Variants in SESTD1 observed in about 807,000 individuals in gnomAD.
SESTD1 encodes the protein SEC14 domain and spectrin repeat-containing protein 1.
SESTD1 carries 43 observed loss-of-function variants against 101.7 expected under a neutral mutation model. The observed-to-expected ratio is 0.42, with a 90% CI of 0.33 to 0.55. The LOEUF (loss-of-function observed/expected upper bound fraction) is 0.55. SESTD1 is among the 20% of genes least tolerant of loss of function. SESTD1 has a pLI of 0.07. For missense variants in SESTD1, 647 were observed against 815.1 expected (o/e 0.79, Z 2.51); for synonymous variants, 283 against 286.8 (o/e 0.99, Z 0.13).
At chr2:179,205,238 A>C (rs1188212995) in intron 1 of SESTD1, among the ~76,000 whole-genome samples, 1 of 132,000 alleles carries the variant, frequency 7.6e-6, no homozygotes, top group Non-Finnish European at 1.6e-5. Flanking sequence ...ATTTGAATAA[A>C]AATGCACATC....
intron 1 of SESTD1, among the ~76,000 whole-genome samples, chr2:179,236,777 T>G (rs1384214201): frequency 6.6e-6 from 1 of 151,196 alleles, no homozygotes; most frequent in Non-Finnish European, 1.5e-5. Context: ...TAATTTTTAT[T>G]TGCTATCGTT....
intron 1 of SESTD1, among the ~76,000 whole-genome samples, chr2:179,222,207 T>G (rs1037201916): frequency 5.3e-5 from 8 of 152,020 alleles, no homozygotes; most frequent in Admixed American, 4.6e-4. Flanking sequence ...TTCCAAAGAG[T>G]TGTTCTCCCT....
At chr2:179,158,183 T>C (rs2105458660) in intron 5 of SESTD1, among the ~76,000 whole-genome samples, 1 of 152,326 alleles carries the variant, frequency 6.6e-6, no homozygotes, top group Non-Finnish European at 1.5e-5. Flanking sequence ...CCCCAATCTT[T>C]TGAAGAAGCC....
At chr2:179,115,037 G>A (rs1297382861) in intron 16 of SESTD1, 28 bp downstream of exon 16, 3 of 1,593,642 alleles carry the variant, frequency 1.9e-6, no homozygotes, top group African/African-American at 2.7e-5. Flanking sequence ...ATACCACTGA[G>A]AATAACATTT....
At chr2:179,261,224 T>C (rs1236511869) in intron 1 of SESTD1, among the ~76,000 whole-genome samples, 1 of 152,236 alleles carries the variant, frequency 6.6e-6, no homozygotes. Context: ...ATCTGATGAA[T>C]ATGTGGCAGT....
At chr2:179,168,124 T>A (rs1006261056) in intron 5 of SESTD1, among the ~76,000 whole-genome samples, 1 of 152,130 alleles carries the variant, frequency 6.6e-6, no homozygotes, top group African/African-American at 2.4e-5. Flanking sequence ...GGTCCACTTA[T>A]AAGGGAGTTT....
intron 5 of SESTD1, among the ~76,000 whole-genome samples, chr2:179,171,604 T>C (rs1160245657): frequency 5.9e-5 from 9 of 152,150 alleles, no homozygotes; most frequent in Non-Finnish European, 1.2e-4. Flanking sequence ...ACTGCTTAGA[T>C]TTACATTCCA....
At chr2:179,195,211 T>C (rs548131525) in intron 1 of SESTD1, among the ~76,000 whole-genome samples, 22 of 152,310 alleles carry the variant, frequency 1.4e-4, no homozygotes, top group Middle Eastern at 3.4e-3. Flanking sequence ...AGGAAGAGAA[T>C]TGTAATCTCC....
chr2:179,116,607 A>G, intron 15 of SESTD1, 61 bp downstream of exon 15: 1 of 1,612,708 alleles, frequency 6.2e-7, no homozygotes, highest in Non-Finnish European at 8.5e-7. Context: ...TTACATTATA[A>G]TCATGCAGAA....
intron 1 of SESTD1, among the ~76,000 whole-genome samples, chr2:179,197,612 C>T (rs954328740): frequency 2.6e-5 from 4 of 152,368 alleles, no homozygotes; most frequent in Admixed American, 2.0e-4. Flanking sequence ...GCAGATCTCT[C>T]TGCAGAAACT....
intron 9 of SESTD1, among the ~76,000 whole-genome samples, chr2:179,138,764 A>C (rs1233710718): frequency 6.6e-6 from 1 of 150,566 alleles, no homozygotes; most frequent in East Asian, 2.0e-4. Context: ...CCAGCTACTC[A>C]GGAGGCTGAG....
At chr2:179,197,734 A>C (rs2046425778) in intron 1 of SESTD1, among the ~76,000 whole-genome samples, 1 of 152,176 alleles carries the variant, frequency 6.6e-6, no homozygotes, top group Non-Finnish European at 1.5e-5. Context: ...AGGAGAAATA[A>C]AATCCTTTAC....
At chr2:179,219,977 AAAAG>A (rs1224577317) in intron 1 of SESTD1, among the ~76,000 whole-genome samples, 5 of 152,226 alleles carry the variant, frequency 3.3e-5, no homozygotes, top group Non-Finnish European at 4.4e-5. Context: ...GGAGAAAAGG[AAAAG>A]AAAGCCTCTG....
At chr2:179,138,477 A>C (rs985430954) in intron 9 of SESTD1, among the ~76,000 whole-genome samples, 2 of 152,154 alleles carry the variant, frequency 1.3e-5, no homozygotes, top group Non-Finnish European at 2.9e-5. Flanking sequence ...TTGTGATGTG[A>C]AAGTTGTCCG....
chr2:179,250,498 A>G (rs1427069175), intron 1 of SESTD1, among the ~76,000 whole-genome samples: 9 of 152,204 alleles, frequency 5.9e-5, no homozygotes, highest in African/African-American at 9.6e-5. Context: ...TTAGAAGTCC[A>G]CGATTAAGGT....
At chr2:179,154,012 G>A (rs966476056) in intron 5 of SESTD1, among the ~76,000 whole-genome samples, 2 of 150,392 alleles carry the variant, frequency 1.3e-5, no homozygotes, top group Non-Finnish European at 2.9e-5. Flanking sequence ...GGGAGACCGA[G>A]GCAAGAGGAT....
At chr2:179,189,163 G>A (rs1365941850) in intron 2 of SESTD1, among the ~76,000 whole-genome samples, 2 of 152,140 alleles carry the variant, frequency 1.3e-5, no homozygotes, top group Non-Finnish European at 2.9e-5. Flanking sequence ...GAACAGAGAT[G>A]CAAATATCCT....
At chr2:179,121,531 T>C (rs746976783) in intron 13 of SESTD1, among the ~76,000 whole-genome samples, 2 of 152,094 alleles carry the variant, frequency 1.3e-5, no homozygotes, top group East Asian at 1.9e-4. Flanking sequence ...TTTGAAATAG[T>C]TGAGTATAAT....
chr2:179,136,168 A>G (rs1294367439), intron 9 of SESTD1, among the ~76,000 whole-genome samples: 1 of 152,182 alleles, frequency 6.6e-6, no homozygotes, highest in Non-Finnish European at 1.5e-5. Context: ...CTTCTAGTTG[A>G]AAGACTTTGG....
Sources: allele counts gnomAD v4.1 joint callset (sites outside exome capture counted in the v4.1 genomes callset), GRCh38; gene constraint gnomAD v4.1.1; transcripts MANE v1.5; gene names NCBI Gene and HGNC (gene_info 2026-07-23, HGNC 2026-07-21).